Variants in PTPRD observed in about 807,000 individuals in gnomAD.
PTPRD encodes protein tyrosine phosphatase receptor type D.
PTPRD carries 34 observed loss-of-function variants against 214.5 expected under a neutral mutation model. The observed-to-expected ratio is 0.16, with a 90% CI of 0.12 to 0.21. The LOEUF (loss-of-function observed/expected upper bound fraction) is 0.21. PTPRD is among the 10% of genes least tolerant of loss of function. PTPRD has a pLI of 1.00. For synonymous variants in PTPRD, 1,128 were observed against 845.7 expected, an observed-to-expected ratio of 1.33 and a Z score of -5.79; for missense variants, 2,545 against 2,398.7, an observed-to-expected ratio of 1.06 and a Z score of -1.27.
intron 8 of PTPRD, among the ~76,000 whole-genome samples, chr9:9,434,833 A>G (rs2084585047): frequency 1.3e-5 from 2 of 148,862 alleles, no homozygotes; most frequent in Non-Finnish European, 3.0e-5. Context: ...GCCAGATTAT[A>G]TATTATTTTT....
intron 2 of PTPRD, among the ~76,000 whole-genome samples, chr9:10,461,770 GAGCCTCCAGGCCC>G (rs1588696318): frequency 6.6e-6 from 1 of 152,094 alleles, no homozygotes; most frequent in East Asian, 1.9e-4. Context: ...TTACAGGCGT[GAGCCTCCAGGCCC>G]AGCTAATTTT....
chr9:9,357,800 C>T (rs2054401895), intron 9 of PTPRD, among the ~76,000 whole-genome samples: 1 of 150,768 alleles, frequency 6.6e-6, no homozygotes, highest in Non-Finnish European at 1.5e-5. Flanking sequence ...ATATATTTGA[C>T]ATTATAAAGG....
intron 13 of PTPRD, among the ~76,000 whole-genome samples, chr9:8,634,011 C>G (rs542148169): frequency 5.7e-4 from 86 of 151,972 alleles, no homozygotes; most frequent in Middle Eastern, 3.4e-3. Flanking sequence ...AACCCAAAAG[C>G]CTGATGGTGT....
At chr9:10,083,687 G>C (rs912862536) in intron 3 of PTPRD, among the ~76,000 whole-genome samples, 3 of 151,982 alleles carry the variant, frequency 2.0e-5, no homozygotes, top group African/African-American at 7.2e-5. Context: ...TGGCACCAGA[G>C]ATGAGCTTTG....
intron 3 of PTPRD, among the ~76,000 whole-genome samples, chr9:10,272,925 G>A (rs978769756): frequency 2.2e-4 from 33 of 152,258 alleles, no homozygotes; most frequent in African/African-American, 7.2e-4. Flanking sequence ...TTGAAATGTT[G>A]TCCATCAGTA....
rs931736577 is a variant in PTPRD at position 9,298,528 on chromosome 9, G to A, written c.-203+98921C>T. ...TTAAAAGAACATTTAATTATAAAATGTCTAATAACCATTTTCATTGACTTT... is the reference window on the plus strand; with the variant it reads ...TTAAAAGAACATTTAATTATAAAATATCTAATAACCATTTTCATTGACTTT... On this transcript the variant is annotated intron_variant, in intron 9 of 45. Coordinates refer to ENST00000381196, the MANE Select transcript of PTPRD (RefSeq NM_002839.4). 3.3e-5 allele frequency among the ~76,000 whole-genome samples: 5 copies of A among 151,750 alleles called. No homozygotes were observed. In the Admixed American group the frequency reaches 3.3e-4, roughly 10 times the overall value.
chr9:9,854,615 T>A (rs2061191716), intron 5 of PTPRD, among the ~76,000 whole-genome samples: 1 of 152,194 alleles, frequency 6.6e-6, no homozygotes, highest in African/African-American at 2.4e-5. Context: ...TTTGTACTTC[T>A]CTTATTCTTT....
At chr9:10,064,794 C>A (rs1260720362) in intron 3 of PTPRD, among the ~76,000 whole-genome samples, 1 of 151,908 alleles carries the variant, frequency 6.6e-6, no homozygotes, top group Non-Finnish European at 1.5e-5. Context: ...CACATGTACT[C>A]CCTGAATCTA....
chr9:9,202,088 T>C (rs888086805), intron 9 of PTPRD, among the ~76,000 whole-genome samples: 5 of 152,196 alleles, frequency 3.3e-5, no homozygotes, highest in African/African-American at 1.2e-4. Flanking sequence ...GCCATTTGGA[T>C]GGACTTTGGA....
chr9:9,005,500 T>C (rs1291435792), intron 11 of PTPRD, among the ~76,000 whole-genome samples: 1 of 152,054 alleles, frequency 6.6e-6, no homozygotes, highest in Non-Finnish European at 1.5e-5. Flanking sequence ...ATGAAATTAA[T>C]CTGCATCCTG....
At chr9:9,168,004 G>T (rs181530250) in intron 10 of PTPRD, among the ~76,000 whole-genome samples, 1 of 152,210 alleles carries the variant, frequency 6.6e-6, no homozygotes, top group East Asian at 1.9e-4. Context: ...CTTAAAATCA[G>T]ATAACTGATT....
intron 5 of PTPRD, among the ~76,000 whole-genome samples, chr9:9,780,824 A>C (rs533238829): frequency 6.6e-6 from 1 of 152,234 alleles, no homozygotes; most frequent in Non-Finnish European, 1.5e-5. Context: ...ACTCTGATAC[A>C]TCCACATAGT....
intron 6 of PTPRD, among the ~76,000 whole-genome samples, chr9:9,761,360 G>T (rs935005935): frequency 6.6e-6 from 1 of 152,142 alleles, no homozygotes; most frequent in African/African-American, 2.4e-5. Context: ...GAGTAGTGTT[G>T]CCAGGAAGTA....
chr9:10,000,751 C>T (rs1049835834), intron 4 of PTPRD, among the ~76,000 whole-genome samples: 2 of 152,212 alleles, frequency 1.3e-5, no homozygotes, highest in Non-Finnish European at 2.9e-5. Context: ...TGATTAGAAA[C>T]TAGGTCTAAC....
chr9:9,620,910 T>TA (rs1007843470), intron 7 of PTPRD, among the ~76,000 whole-genome samples: 49 of 151,780 alleles, frequency 3.2e-4, no homozygotes, highest in African/African-American at 1.2e-3. Context: ...AAGGAAATGA[T>TA]ATGGTACTTG....
At chr9:10,067,972 T>G (rs1411390930) in intron 3 of PTPRD, among the ~76,000 whole-genome samples, 1 of 151,946 alleles carries the variant, frequency 6.6e-6, no homozygotes, top group Non-Finnish European at 1.5e-5. Context: ...GATTTTGTGC[T>G]AGCTGACTCC....
At chr9:10,376,913 A>G (rs2097740312) in intron 2 of PTPRD, among the ~76,000 whole-genome samples, 3 of 152,024 alleles carry the variant, frequency 2.0e-5, no homozygotes, top group Non-Finnish European at 4.4e-5. Flanking sequence ...CAATCCAATT[A>G]TAGTCTTTTA....
intron 3 of PTPRD, among the ~76,000 whole-genome samples, chr9:10,247,069 T>C (rs907761107): frequency 1.6e-4 from 25 of 152,142 alleles, no homozygotes; most frequent in African/African-American, 5.5e-4. Context: ...AATCTTCACA[T>C]GCATAAAATG....
intron 12 of PTPRD, among the ~76,000 whole-genome samples, chr9:8,689,176 T>C (rs2097754916): frequency 6.6e-6 from 1 of 152,168 alleles, no homozygotes; most frequent in African/African-American, 2.4e-5. Context: ...TACAGCAATA[T>C]GATTCCACCT....
Sources: gnomAD v4.1 joint callset for allele counts (sites outside exome capture counted in the v4.1 genomes callset) on GRCh38, gnomAD v4.1.1 for gene constraint, MANE v1.5 for transcripts, NCBI Gene and HGNC (gene_info 2026-07-23, HGNC 2026-07-21) for gene names.